SLC24A2: variants seen among roughly 807,000 people sequenced by gnomAD.
SLC24A2 encodes sodium/potassium/calcium exchanger 2.
A neutral mutation model predicts 62.0 loss-of-function variants in SLC24A2; 36 were observed. That is an observed-to-expected ratio of 0.58 (90% CI 0.44 to 0.77). The LOEUF (loss-of-function observed/expected upper bound fraction) is 0.77. Among genes scored for constraint, SLC24A2 ranks in the 30% least tolerant of loss-of-function variants. The pLI, the probability that SLC24A2 is intolerant of heterozygous loss-of-function variation, is 0.00. For missense variants in SLC24A2, 846 were observed against 817.9 expected (o/e 1.03, Z -0.42); for synonymous variants, 358 against 294.0 (o/e 1.22, Z -2.23).
At chr9:19,720,713 C>T (rs1271607933) in intron 2 of SLC24A2, among the ~76,000 whole-genome samples, 1 of 139,340 alleles carries the variant, frequency 7.2e-6, no homozygotes, top group Non-Finnish European at 1.6e-5. Context: ...AAAAAATCAC[C>T]TTGATGTGGC....
chr9:19,959,445 C>T, the SLC24A2 span, among the ~76,000 whole-genome samples: 2 of 152,228 alleles, frequency 1.3e-5, no homozygotes, highest in South Asian at 4.1e-4. Context: ...AAATAAGGTG[C>T]CACGGTGATT....
At chr9:19,729,971 T>C (rs1821287580) in intron 2 of SLC24A2, among the ~76,000 whole-genome samples, 1 of 152,158 alleles carries the variant, frequency 6.6e-6, no homozygotes, top group African/African-American at 2.4e-5. Context: ...TAAACATCAC[T>C]AGGTACCCTA....
At chr9:19,908,362 G>C in the SLC24A2 span, among the ~76,000 whole-genome samples, 6 of 152,026 alleles carry the variant, frequency 3.9e-5, no homozygotes, top group Non-Finnish European at 5.9e-5. Flanking sequence ...TTAAATGTTA[G>C]ACCTAAAACC....
chr9:20,032,334 C>T, the SLC24A2 span, among the ~76,000 whole-genome samples: 2 of 152,076 alleles, frequency 1.3e-5, no homozygotes, highest in Non-Finnish European at 2.9e-5. Context: ...AGCAATTAAG[C>T]CACCAGCAAA....
At chr9:19,899,741 T>C in the SLC24A2 span, among the ~76,000 whole-genome samples, 2 of 152,158 alleles carry the variant, frequency 1.3e-5, no homozygotes, top group African/African-American at 4.8e-5. Flanking sequence ...CTTACAATCA[T>C]GGCAGAAGAG....
At chr9:19,712,487 C>G (rs1486485127) in intron 2 of SLC24A2, among the ~76,000 whole-genome samples, 1 of 152,128 alleles carries the variant, frequency 6.6e-6, no homozygotes, top group Admixed American at 6.5e-5. Context: ...GCAAAGCCAG[C>G]TAGTTCTCCT....
chr9:19,969,390 T>G, the SLC24A2 span, among the ~76,000 whole-genome samples: 1 of 152,170 alleles, frequency 6.6e-6, no homozygotes, highest in Non-Finnish European at 1.5e-5. Context: ...ACCAAAGTCA[T>G]TTCAGTCTCA....
At chr9:20,268,963 C>T in the SLC24A2 span, among the ~76,000 whole-genome samples, 1 of 152,164 alleles carries the variant, frequency 6.6e-6, no homozygotes, top group African/African-American at 2.4e-5. Flanking sequence ...AAGAGTTGAA[C>T]CCACTATGGA....
the SLC24A2 span, among the ~76,000 whole-genome samples, chr9:19,964,549 A>G: frequency 3.9e-5 from 6 of 152,150 alleles, no homozygotes; most frequent in Non-Finnish European, 7.3e-5. Context: ...GGATACAGAG[A>G]GGAGATGGCA....
the SLC24A2 span, among the ~76,000 whole-genome samples, chr9:20,177,691 A>C: frequency 2.6e-5 from 4 of 152,154 alleles, no homozygotes; most frequent in African/African-American, 9.6e-5. Context: ...AGATTCTAAA[A>C]TATAAGTAGA....
the SLC24A2 span, among the ~76,000 whole-genome samples, chr9:20,099,030 T>C: frequency 6.6e-6 from 1 of 152,184 alleles, no homozygotes; most frequent in African/African-American, 2.4e-5. Flanking sequence ...GGTAATGTAT[T>C]TGCTGCCTCC....
At chr9:19,750,292 C>T (rs1335562965) in intron 2 of SLC24A2, among the ~76,000 whole-genome samples, 6 of 151,910 alleles carry the variant, frequency 3.9e-5, no homozygotes, top group Non-Finnish European at 5.9e-5. Context: ...TTTAAGCATC[C>T]TCTGCTTGGA....
chr9:19,831,499 T>C, the SLC24A2 span, among the ~76,000 whole-genome samples: 1 of 152,216 alleles, frequency 6.6e-6, no homozygotes, highest in South Asian at 2.1e-4. Flanking sequence ...AAAATAAGCA[T>C]GCATTTTTAA....
chr9:20,095,851 G>C, the SLC24A2 span, among the ~76,000 whole-genome samples: 1 of 152,084 alleles, frequency 6.6e-6, no homozygotes, highest in Admixed American at 6.5e-5. Flanking sequence ...GTCTTATATG[G>C]CAGCAGACAA....
At chr9:19,703,383 G>C (rs1041211621) in intron 2 of SLC24A2, among the ~76,000 whole-genome samples, 5 of 152,134 alleles carry the variant, frequency 3.3e-5, no homozygotes, top group Non-Finnish European at 5.9e-5. Flanking sequence ...AAACCTTCTT[G>C]GAGTGAGAGG....
chr9:19,588,291 T>A (rs1407035329), intron 5 of SLC24A2, among the ~76,000 whole-genome samples: 1 of 151,652 alleles, frequency 6.6e-6, no homozygotes, highest in East Asian at 1.9e-4. Flanking sequence ...AGCCATAAAC[T>A]TGGGATGAAT....
chr9:20,049,582 A>C, the SLC24A2 span, among the ~76,000 whole-genome samples: 1 of 152,198 alleles, frequency 6.6e-6, no homozygotes, highest in South Asian at 2.1e-4. Context: ...AACTAGAAAA[A>C]GCTACACTAA....
chr9:19,573,124 G>T (rs982544549), intron 7 of SLC24A2, among the ~76,000 whole-genome samples: 1 of 152,144 alleles, frequency 6.6e-6, no homozygotes, highest in African/African-American at 2.4e-5. Context: ...CTCACCTGGA[G>T]AAACAGTGGC....
the SLC24A2 span, among the ~76,000 whole-genome samples, chr9:19,883,269 GA>G: frequency 1.3e-5 from 2 of 152,136 alleles, no homozygotes; most frequent in African/African-American, 4.8e-5. Flanking sequence ...GTGACTCATT[GA>G]AAAGATGATA....
Sources: gnomAD v4.1 joint callset for allele counts (sites outside exome capture counted in the v4.1 genomes callset) on GRCh38, gnomAD v4.1.1 for gene constraint, MANE v1.5 for transcripts, NCBI Gene and HGNC (gene_info 2026-07-23, HGNC 2026-07-21) for gene names.